FZD3: variants seen among roughly 807,000 people sequenced by gnomAD.
The protein encoded by FZD3 is frizzled class receptor 3.
A neutral mutation model predicts 60.7 loss-of-function variants in FZD3; 30 were observed. The ratio of observed to expected loss-of-function variants is 0.49; its 90% CI spans 0.37 to 0.67. FZD3 has a LOEUF of 0.67. Among genes scored for constraint, FZD3 ranks in the 30% least tolerant of loss-of-function variants. The pLI is 0.00. For missense variants in FZD3, 605 were observed against 838.7 expected (o/e 0.72, Z 3.44); for synonymous variants, 246 against 275.2 (o/e 0.89, Z 1.05).
Position 28,527,229 on chromosome 8 carries a change from G to A in FZD3, c.469G>A (p.Val157Met), listed in dbSNP as rs1804736947. The change falls in exon 5 of 8, where the codon GTG (valine) becomes ATG (methionine). Residue 157 changes from valine (V) to methionine (M), a missense_variant. Coordinates refer to ENST00000240093, the MANE Select transcript of FZD3 (RefSeq NM_017412.4). This position sits in a 1 kb window ranked among gnomAD's most constrained non-coding sequence, Gnocchi z 5.0. ...ACCAACTGAAGGAGCCCCAGTGGCA[G>A]TGCAGAGAGACTATGGTTTTTGGTG... ...GEPTEGAPVA[V>M]QRDYGFWCPR... The A allele has an allele frequency of 6.2e-7, 1 of 1,613,930 alleles. No homozygotes were observed. Among genetic ancestry groups the A allele is most frequent in the Non-Finnish European group, 8.5e-7 (1 of 1,179,810 alleles).
chr8:28,513,503 AC>A (rs1489360335), intron 3 of FZD3, among the ~76,000 whole-genome samples: 1 of 152,184 alleles, frequency 6.6e-6, no homozygotes, highest in Admixed American at 6.5e-5. Flanking sequence ...AGGAAAATAA[AC>A]CTATGGGATT....
rs34004990 is a variant in FZD3 at position 28,558,436 on chromosome 8, A to AT, written c.1787+2477dup. 7.9e-3 allele frequency among the ~76,000 whole-genome samples: 1,159 copies of AT among 147,438 alleles called. 17 individuals are homozygous for AT. Among genetic ancestry groups the AT allele is most frequent in the African/African-American group, 0.026 (1,041 of 40,118 alleles). On this transcript the variant is annotated intron_variant, in intron 7 of 7. Transcript: ENST00000240093. Reference sequence around the variant, plus strand: ...CTTTATTTCTTTCTTTTATTTATTTATTTTTTTTTTTTGAGGCAGAGACTC... The same window carrying AT: ...CTTTATTTCTTTCTTTTATTTATTTATTTTTTTTTTTTTGAGGCAGAGACTC...
chr8:28,507,739 G>C (rs1401093903), intron 3 of FZD3, among the ~76,000 whole-genome samples: 1 of 151,676 alleles, frequency 6.6e-6, no homozygotes, highest in Non-Finnish European at 1.5e-5. Context: ...AAGGTGACCA[G>C]TGAGGGTTTT....
At chr8:28,557,134 AGGAGGT>A (rs1181071022) in intron 7 of FZD3, among the ~76,000 whole-genome samples, 1 of 151,092 alleles carries the variant, frequency 6.6e-6, no homozygotes, top group African/African-American at 2.4e-5. Flanking sequence ...ACTTGAAGCC[AGGAGGT>A]GGAGGTTGGA....
intron 5 of FZD3, among the ~76,000 whole-genome samples, chr8:28,545,028 C>T (rs1334659756): frequency 2.6e-5 from 4 of 152,120 alleles, no homozygotes; most frequent in Admixed American, 2.0e-4. Context: ...TGTGATAACC[C>T]GTTAATCAGT....
chr8:28,531,435 TTTG>T (rs1464332227), intron 5 of FZD3, among the ~76,000 whole-genome samples: 1 of 152,206 alleles, frequency 6.6e-6, no homozygotes, highest in Non-Finnish European at 1.5e-5. Context: ...TTTCTAATTT[TTTG>T]TTGTAAGCCA....
In FZD3 at chr8:28,563,096, C is replaced by CA; in HGVS notation, c.*86dup. The stretch of plus-strand genomic sequence containing the variant: ...TTTTGCATGACTGATAGCTGTAACT[C>CA]ACAGTTAACATGCTTTCAGTCAAGT... On this transcript the variant is annotated 3_prime_UTR_variant, in exon 8 of 8. Coordinates refer to ENST00000240093, the MANE Select transcript of FZD3 (RefSeq NM_017412.4). The CA allele has an allele frequency of 1.2e-6, 1 of 849,628 alleles. No homozygotes were observed. The highest frequency in any genetic ancestry group is 1.4e-5 in the South Asian group (1 of 70,708). The allele number at this position is 849,628 out of a possible 1,614,324, so 52.6% of individuals were successfully genotyped here. A position where few individuals can be genotyped will look rare whatever the true frequency, so the allele number is the denominator to read the frequency against.
At position 28,513,229 on chromosome 8, in the gene FZD3, A is replaced by T. The variant is rs192482930; in HGVS notation, c.190-7409A>T. On this transcript the variant is annotated intron_variant, in intron 3 of 7. Transcript: ENST00000240093. ...ACTATAAAGTGATTTACTTGTCTTAAATTATTAAATACATTGGAATTTGGT... is the reference window on the plus strand; with the variant it reads ...ACTATAAAGTGATTTACTTGTCTTATATTATTAAATACATTGGAATTTGGT... 3.5e-4 allele frequency among the ~76,000 whole-genome samples: 53 copies of T among 152,274 alleles called. No homozygotes were observed. The East Asian group carries it at 9.8e-3, about 28-fold the overall frequency.
At chr8:28,522,673 A>G (rs190122241) in intron 4 of FZD3, among the ~76,000 whole-genome samples, 4 of 151,438 alleles carry the variant, frequency 2.6e-5, no homozygotes, top group Admixed American at 2.0e-4. Context: ...TTATTTTTTT[A>G]ATTTGTTTTG....
intron 5 of FZD3, among the ~76,000 whole-genome samples, chr8:28,537,624 A>G (rs1045241140): frequency 2.0e-5 from 3 of 152,232 alleles, no homozygotes; most frequent in African/African-American, 7.2e-5. Flanking sequence ...TTATTTGTAG[A>G]AACAGGCATT....
At chr8:28,509,029 T>C (rs1804216125) in intron 3 of FZD3, among the ~76,000 whole-genome samples, 1 of 152,198 alleles carries the variant, frequency 6.6e-6, no homozygotes, top group African/African-American at 2.4e-5. Context: ...TTTTGTCCTT[T>C]AGGGATGTAT....
intron 1 of FZD3, among the ~76,000 whole-genome samples, chr8:28,498,005 A>G (rs1422157047): frequency 6.6e-6 from 1 of 152,260 alleles, no homozygotes; most frequent in East Asian, 1.9e-4. Flanking sequence ...CTGATAAATA[A>G]TGGTTGGAAA....
intron 6 of FZD3, among the ~76,000 whole-genome samples, chr8:28,552,198 G>C (rs1310229251): frequency 6.6e-6 from 1 of 152,210 alleles, no homozygotes; most frequent in Non-Finnish European, 1.5e-5. Context: ...ATAAGAGCTA[G>C]ATAAACTTCT....
intron 5 of FZD3, among the ~76,000 whole-genome samples, chr8:28,549,714 T>C (rs1185394836): frequency 6.6e-6 from 1 of 152,210 alleles, no homozygotes; most frequent in Non-Finnish European, 1.5e-5. Flanking sequence ...GATTGAGATA[T>C]AGATACATAG....
intron 4 of FZD3, among the ~76,000 whole-genome samples, chr8:28,521,606 T>C (rs1461291143): frequency 6.6e-6 from 1 of 152,184 alleles, no homozygotes; most frequent in Non-Finnish European, 1.5e-5. Context: ...TATTATCTTC[T>C]TTCCCCCCAA....
Position 28,557,859 on chromosome 8 carries a change from A to G in FZD3, c.1787+1888A>G, listed in dbSNP as rs550838630. Reference sequence around the variant, plus strand: ...GAGATGGAAGACAGAAGAGTAAACAATCAATTACAATACACTTCAATAGGT... The same window carrying G: ...GAGATGGAAGACAGAAGAGTAAACAGTCAATTACAATACACTTCAATAGGT... On this transcript the variant is annotated intron_variant, in intron 7 of 7. Coordinates refer to ENST00000240093, the MANE Select transcript of FZD3 (RefSeq NM_017412.4). 1.4e-4 allele frequency among the ~76,000 whole-genome samples: 22 copies of G among 152,362 alleles called. No homozygotes were observed. The East Asian group carries it at 1.5e-3, about 11-fold the overall frequency.
At chr8:28,495,407 T>C (rs1428537161) in intron 1 of FZD3, among the ~76,000 whole-genome samples, 1 of 152,190 alleles carries the variant, frequency 6.6e-6, no homozygotes, top group Non-Finnish European at 1.5e-5. Flanking sequence ...AGTGTTTAGA[T>C]ACAGCCTCAT....
chr8:28,562,504 A>G (rs186180896), intron 7 of FZD3, among the ~76,000 whole-genome samples: 1 of 152,286 alleles, frequency 6.6e-6, no homozygotes, highest in East Asian at 1.9e-4. Context: ...TTTGAATGAG[A>G]AAGGTATCCA....
rs1804991045 is a variant in FZD3 at position 28,535,651 on chromosome 8, T to C, written c.1404+7487T>C. ...TTAAATAATACTTGAAAAGTAGTAT[T>C]GAATGCCTAAATTCTGAATTAATTA... On this transcript the variant is annotated intron_variant, in intron 5 of 7. Transcript: ENST00000240093. Among the ~76,000 whole-genome samples, 4 of 152,316 alleles carry C rather than the reference T, an allele frequency of 2.6e-5. No individual in the cohort carries two copies. In the South Asian group the frequency reaches 8.3e-4, roughly 32 times the overall value.
Sources: gnomAD v4.1 joint callset for allele counts (sites outside exome capture counted in the v4.1 genomes callset) on GRCh38, gnomAD v4.1.1 for gene constraint, Gnocchi (gnomAD v3.1) non-coding constraint, MANE v1.5 for transcripts, NCBI Gene and HGNC (gene_info 2026-07-23, HGNC 2026-07-21) for gene names.